Variants in NVL observed in about 807,000 individuals in gnomAD.
The protein encoded by NVL is nuclear VCP like, also known as nuclear valosin-containing protein-like.
A neutral mutation model predicts 110.2 loss-of-function variants in NVL; 84 were observed. The observed-to-expected ratio is 0.76, with a 90% CI of 0.64 to 0.91. The LOEUF (loss-of-function observed/expected upper bound fraction) is 0.91. Among genes scored for constraint, NVL ranks in the 40% least tolerant of loss-of-function variants. NVL has a pLI of 0.00. For synonymous variants in NVL, 354 were observed against 361.1 expected (o/e 0.98, Z 0.22); for missense variants, 882 against 1,035.9 (o/e 0.85, Z 2.04).
intron 4 of NVL, among the ~76,000 whole-genome samples, 183 bp downstream of exon 4, chr1:224,317,511 A>G (rs1670206787): frequency 6.6e-6 from 1 of 152,198 alleles, no homozygotes; most frequent in African/African-American, 2.4e-5. Context: ...CACCCATACA[A>G]AGGCACAGCC....
At chr1:224,238,708 T>C (rs1176515158) in intron 19 of NVL, among the ~76,000 whole-genome samples, 1 of 152,166 alleles carries the variant, frequency 6.6e-6, no homozygotes, top group Non-Finnish European at 1.5e-5. Context: ...CATCTTTTAG[T>C]GTAAACAATT....
intron 18 of NVL, among the ~76,000 whole-genome samples, chr1:224,256,068 TTTTA>T (rs1193423715): frequency 1.3e-5 from 2 of 152,200 alleles, no homozygotes; most frequent in Admixed American, 6.5e-5. Context: ...TTTCTGTTCC[TTTTA>T]TTTATCTGTC....
In NVL at chr1:224,254,580, T is replaced by G. The variant is rs1199451769; in HGVS notation, c.2183-4262A>C. Among the ~76,000 whole-genome samples, 12 of 144,416 alleles carry G rather than the reference T, an allele frequency of 8.3e-5. 1 individual carries two copies. The highest frequency in any genetic ancestry group is 7.3e-3 in the Middle Eastern group (2 of 274). The allele number at this position is 144,416 out of a possible 152,430, so 94.7% of individuals were successfully genotyped here. A position where few individuals can be genotyped will look rare whatever the true frequency, so the allele number is the denominator to read the frequency against. ...GCTAATTTGTTTTTTTTGTTTTTTTTTTTTTTGTATTTTTAGTAGAAACAG... is the reference window on the plus strand; with the variant it reads ...GCTAATTTGTTTTTTTTGTTTTTTTGTTTTTTGTATTTTTAGTAGAAACAG... On this transcript the variant is annotated intron_variant, in intron 18 of 22. Transcript: ENST00000281701.
At chr1:224,310,385 T>C (rs1669397557) in intron 5 of NVL, among the ~76,000 whole-genome samples, 1 of 152,054 alleles carries the variant, frequency 6.6e-6, no homozygotes, top group South Asian at 2.1e-4. Flanking sequence ...CCCCCATGGA[T>C]AGTGAGGGCC....
intron 2 of NVL, among the ~76,000 whole-genome samples, chr1:224,320,111 GA>G (rs962542098): frequency 3.3e-5 from 5 of 151,878 alleles, no homozygotes; most frequent in East Asian, 3.9e-4. Flanking sequence ...TTCAGTTCTG[GA>G]AAAAAAATTC....
chr1:224,272,864 C>T (rs1665279807), intron 17 of NVL, among the ~76,000 whole-genome samples: 1 of 149,528 alleles, frequency 6.7e-6, no homozygotes, highest in Admixed American at 6.6e-5. Flanking sequence ...GAAACCCCGT[C>T]TCTACTAAAA....
chr1:224,245,339 T>A (rs1340505648), intron 19 of NVL, among the ~76,000 whole-genome samples: 1 of 152,198 alleles, frequency 6.6e-6, no homozygotes, highest in African/African-American at 2.4e-5. Flanking sequence ...GCTTTAGCCA[T>A]CAACAAAGCT....
intron 5 of NVL, 60 bp downstream of exon 5, chr1:224,311,739 GA>G (rs1669544847): frequency 7.9e-7 from 1 of 1,270,352 alleles, no homozygotes; most frequent in Non-Finnish European, 1.2e-6. Context: ...TTTTTCAAGG[GA>G]GGTACCATAA....
chr1:224,278,530 C>T (rs1666002608), intron 16 of NVL, among the ~76,000 whole-genome samples: 1 of 152,058 alleles, frequency 6.6e-6, no homozygotes, highest in Non-Finnish European at 1.5e-5. Context: ...CGCACCCAGC[C>T]CAGATCATCT....
At chr1:224,305,483 GAAAAA>G in intron 6 of NVL, 1 of 167,804 alleles carries the variant, frequency 6.0e-6, no homozygotes. Context: ...CCCATATGGG[GAAAAA>G]AAAAAAAAGA....
chr1:224,265,146 A>T (rs1489513200), intron 18 of NVL, among the ~76,000 whole-genome samples: 2 of 152,138 alleles, frequency 1.3e-5, no homozygotes, highest in African/African-American at 4.8e-5. Context: ...ACACATAGGG[A>T]AAAAACAAAA....
intron 18 of NVL, among the ~76,000 whole-genome samples, chr1:224,259,250 T>A (rs1178881847): frequency 6.6e-6 from 1 of 151,748 alleles, no homozygotes; most frequent in Non-Finnish European, 1.5e-5. Flanking sequence ...CACCATGCCC[T>A]GCTAAATTTT....
rs1284280016 is a variant in NVL, at chr1:224,304,748, A to G, written c.813T>C (p.Asp271=). ...AATTTGCACTAACTTTTAATGTCAT[A>G]TCATTGCCTCCCACATCTTCAAACT... is the stretch of plus-strand genomic sequence containing the variant. ...NVKFEDVGGN[D]MTLKEVCKML... is the part of the protein sequence containing the mutation. Residue 271 remains aspartate (D), a synonymous_variant, in exon 8 of 23, where the codon GAT becomes GAC. Coordinates refer to ENST00000281701, the MANE Select transcript of NVL (RefSeq NM_002533.4). 6.2e-7 allele frequency: 1 copy of G among 1,613,650 alleles called. No individual in the cohort carries two copies. The highest frequency in any genetic ancestry group is 8.5e-7 in the Non-Finnish European group (1 of 1,179,702).
intron 16 of NVL, among the ~76,000 whole-genome samples, chr1:224,277,901 T>C (rs375075272): frequency 3.9e-5 from 6 of 152,330 alleles, no homozygotes; most frequent in African/African-American, 1.2e-4. Context: ...CGGGGTGTTC[T>C]CCATCTTATG....
At chr1:224,294,061 A>G (rs1275729191) in intron 12 of NVL, among the ~76,000 whole-genome samples, 1 of 152,154 alleles carries the variant, frequency 6.6e-6, no homozygotes, top group African/African-American at 2.4e-5. Flanking sequence ...CGGCCTCCCA[A>G]AGTGTTGGGA....
intron 18 of NVL, among the ~76,000 whole-genome samples, chr1:224,251,016 GT>G (rs769041390): frequency 4.1e-4 from 62 of 151,904 alleles, no homozygotes; most frequent in East Asian, 9.8e-4. Context: ...GCTCACACCT[GT>G]AATCCCAGCA....
intron 2 of NVL, among the ~76,000 whole-genome samples, chr1:224,318,270 T>A (rs967925271): frequency 2.0e-5 from 3 of 152,210 alleles, no homozygotes; most frequent in Non-Finnish European, 4.4e-5. Flanking sequence ...TGTCTACATA[T>A]AGAGATTTCT....
chr1:224,289,733 T>A lies in NVL; in HGVS notation c.1326A>T (p.Arg442Ser). The change falls in exon 13 of 23, where the codon AGA becomes AGT. Residue 442 changes from arginine (R) to serine (S), a missense_variant and splice_region_variant. Transcript: ENST00000281701. The part of the protein sequence containing the change: ...LGIPDEASRE[R>S]ILQTLCRKLR... ...GTTTTCTGCACAATGTTTGAAGTAT[T>A]CTGTAGAAAAGACAGGGGAAAAAAT... is the stretch of plus-strand genomic sequence containing the variant. The A allele has an allele frequency of 6.2e-7, 1 of 1,605,062 alleles. No individual in the cohort carries two copies. Among genetic ancestry groups the A allele is most frequent in the Non-Finnish European group, 8.5e-7 (1 of 1,174,094 alleles).
chr1:224,239,459 T>C (rs1410473194), intron 19 of NVL, among the ~76,000 whole-genome samples: 1 of 152,128 alleles, frequency 6.6e-6, no homozygotes, highest in African/African-American at 2.4e-5. Context: ...GTGGTGGGGC[T>C]GCCACATTAT....
Sources: allele counts gnomAD v4.1 joint callset (sites outside exome capture counted in the v4.1 genomes callset), GRCh38; gene constraint gnomAD v4.1.1; transcripts MANE v1.5; gene names NCBI Gene and HGNC (gene_info 2026-07-23, HGNC 2026-07-21).